The following LUZP2 variants were observed in gnomAD, a reference collection of about 807,000 sequenced individuals.
The protein encoded by LUZP2 is leucine zipper protein 2.
Under a neutral mutation model 51.6 loss-of-function variants are expected in LUZP2, and 52 were observed. The ratio of observed to expected loss-of-function variants is 1.01; its 90% CI spans 0.81 to 1.27. The LOEUF is 1.27. Ranked by LOEUF, LUZP2 falls within the 50% of genes most tolerant of loss-of-function variation. The pLI, the probability that LUZP2 is intolerant of heterozygous loss-of-function variation, is 0.00. For missense variants in LUZP2, 436 were observed against 395.4 expected (o/e 1.10, Z -0.87); for synonymous variants, 154 against 137.3 (o/e 1.12, Z -0.85).
intron 7 of LUZP2, among the ~76,000 whole-genome samples, chr11:24,925,700 A>C (rs1854205553): frequency 6.6e-6 from 1 of 152,080 alleles, no homozygotes; most frequent in Non-Finnish European, 1.5e-5. Flanking sequence ...GACTAAAAGT[A>C]TCGAAATTTA....
chr11:24,550,783 A>G (rs922227360), intron 1 of LUZP2, among the ~76,000 whole-genome samples: 1 of 152,072 alleles, frequency 6.6e-6, no homozygotes, highest in African/African-American at 2.4e-5. Context: ...CCAAAAATGC[A>G]TAATACTTGT....
intron 7 of LUZP2, among the ~76,000 whole-genome samples, chr11:24,938,519 T>A (rs1291326045): frequency 1.3e-5 from 2 of 152,182 alleles, no homozygotes; most frequent in African/African-American, 2.4e-5. Context: ...ATACTGAAAA[T>A]TTATTCATTA....
intron 1 of LUZP2, among the ~76,000 whole-genome samples, chr11:24,711,398 C>A (rs562178051): frequency 6.6e-6 from 1 of 151,624 alleles, no homozygotes; most frequent in African/African-American, 2.4e-5. Context: ...TGCAGTGAGC[C>A]GAGATGGTGT....
At chr11:24,520,405 C>A (rs1259116499) in intron 1 of LUZP2, among the ~76,000 whole-genome samples, 1 of 152,096 alleles carries the variant, frequency 6.6e-6, no homozygotes, top group East Asian at 1.9e-4. Flanking sequence ...TTGAAGGAAC[C>A]CCTTCCACAG....
At chr11:24,526,454 A>G (rs1233256994) in intron 1 of LUZP2, among the ~76,000 whole-genome samples, 1 of 45,170 alleles carries the variant, frequency 2.2e-5, no homozygotes. Flanking sequence ...CCTACTCTCT[A>G]CTCTTTTTTT....
At chr11:24,656,549 G>A (rs1855810381) in intron 1 of LUZP2, among the ~76,000 whole-genome samples, 1 of 152,168 alleles carries the variant, frequency 6.6e-6, no homozygotes, top group Non-Finnish European at 1.5e-5. Flanking sequence ...GTAAAATCAA[G>A]GTGTCTGCAG....
chr11:24,690,946 A>C (rs1224333065), intron 1 of LUZP2, among the ~76,000 whole-genome samples: 1 of 152,088 alleles, frequency 6.6e-6, no homozygotes, highest in Non-Finnish European at 1.5e-5. Context: ...TTCAGTTTTC[A>C]TCAATGTCTA....
chr11:24,663,919 TC>T (rs922349223), intron 1 of LUZP2, among the ~76,000 whole-genome samples: 9 of 152,174 alleles, frequency 5.9e-5, no homozygotes, highest in African/African-American at 2.2e-4. Flanking sequence ...CCTGAAGGCT[TC>T]CCCAGCCATG....
At chr11:25,055,234 C>A (rs983843432) in intron 10 of LUZP2, among the ~76,000 whole-genome samples, 1 of 151,922 alleles carries the variant, frequency 6.6e-6, no homozygotes, top group Admixed American at 6.5e-5. Flanking sequence ...TGGTCTCGAT[C>A]TCTTGACCTT....
In LUZP2 at chr11:24,835,508, C is replaced by T. The variant is rs183765769; in HGVS notation, c.397-70483C>T. The stretch of plus-strand genomic sequence containing the variant: ...TCTGCACAGCAAAATAAACTAGCAT[C>T]AGAATGAACAGGCAACCTACAGAAA... On this transcript the variant is annotated intron_variant, in intron 5 of 11. Coordinates refer to ENST00000336930, the MANE Select transcript of LUZP2 (RefSeq NM_001009909.4). Among the ~76,000 whole-genome samples the T allele has an allele frequency of 2.3e-3, 353 of 152,182 alleles. 2 individuals carry two copies. Among genetic ancestry groups the T allele is most frequent in the Admixed American group, 3.7e-3 (57 of 15,270 alleles).
At chr11:24,730,315 A>G (rs1036739944) in intron 2 of LUZP2, among the ~76,000 whole-genome samples, 3 of 151,866 alleles carry the variant, frequency 2.0e-5, no homozygotes, top group African/African-American at 7.2e-5. Flanking sequence ...AAGAGTGCAC[A>G]GATAGTTAAG....
chr11:24,577,124 T>G (rs959696249), intron 1 of LUZP2, among the ~76,000 whole-genome samples: 3 of 147,124 alleles, frequency 2.0e-5, no homozygotes, highest in African/African-American at 7.6e-5. Flanking sequence ...CTATGGTGAA[T>G]AGTATAATTA....
intron 5 of LUZP2, among the ~76,000 whole-genome samples, chr11:24,888,683 G>C (rs1852748839): frequency 6.6e-6 from 1 of 152,048 alleles, no homozygotes; most frequent in Non-Finnish European, 1.5e-5. Flanking sequence ...GATATTGTTA[G>C]GCTTTGTGTC....
chr11:24,918,862 TTA>T (rs1467898826), intron 7 of LUZP2, among the ~76,000 whole-genome samples: 1 of 97,044 alleles, frequency 1.0e-5, no homozygotes, highest in Non-Finnish European at 2.3e-5. Context: ...TATATGTTCT[TTA>T]TATATATCCA....
chr11:24,514,129 C>T (rs1850393193), intron 1 of LUZP2, among the ~76,000 whole-genome samples: 1 of 152,144 alleles, frequency 6.6e-6, no homozygotes, highest in Non-Finnish European at 1.5e-5. Context: ...ATATCCCTGG[C>T]ATTCAGCAAG....
intron 1 of LUZP2, among the ~76,000 whole-genome samples, chr11:24,547,160 T>C (rs1851577619): frequency 6.6e-6 from 1 of 151,424 alleles, no homozygotes; most frequent in Non-Finnish European, 1.5e-5. Context: ...GATTCTCTGA[T>C]GGTTATTTAT....
chr11:24,531,859 C>T (rs1851009828), intron 1 of LUZP2, among the ~76,000 whole-genome samples: 2 of 150,826 alleles, frequency 1.3e-5, no homozygotes, highest in Non-Finnish European at 3.0e-5. Context: ...TCCTTGGTAA[C>T]TCTCTTTGCC....
At chr11:25,001,414 G>A (rs10834575) in intron 9 of LUZP2, among the ~76,000 whole-genome samples, 59,127 of 151,976 alleles carry the variant, frequency 0.39, 13,797 homozygotes, top group East Asian at 0.69. Context: ...CCTGAAGGGA[G>A]TTCCTCCTAG....
chr11:25,001,449 T>C (rs1317064451), intron 9 of LUZP2, among the ~76,000 whole-genome samples: 1 of 152,164 alleles, frequency 6.6e-6, no homozygotes, highest in Non-Finnish European at 1.5e-5. Flanking sequence ...TGTATGGTAA[T>C]TAATTAAGAT....
Sources: gnomAD v4.1 joint callset for allele counts (sites outside exome capture counted in the v4.1 genomes callset) on GRCh38, gnomAD v4.1.1 for gene constraint, MANE v1.5 for transcripts, NCBI Gene and HGNC (gene_info 2026-07-23, HGNC 2026-07-21) for gene names.